IFT80: variants seen among roughly 807,000 people sequenced by gnomAD.
IFT80 encodes intraflagellar transport 80.
Under a neutral mutation model 107.9 loss-of-function variants are expected in IFT80, and 79 were observed. The observed-to-expected ratio is 0.73, with a 90% CI of 0.61 to 0.88. The LOEUF (loss-of-function observed/expected upper bound fraction) is 0.88, where lower values mean the gene tolerates loss of function less well. Among genes scored for constraint, IFT80 ranks in the 40% least tolerant of loss-of-function variants. IFT80 has a pLI of 0.00. For synonymous variants in IFT80, 299 were observed against 300.9 expected, an observed-to-expected ratio of 0.99 and a Z score of 0.07; for missense variants, 797 against 914.2, an observed-to-expected ratio of 0.87 and a Z score of 1.65.
At chr3:160,383,303 T>G (rs1308103851) in intron 2 of IFT80, 1 of 197,144 alleles carries the variant, frequency 5.1e-6, no homozygotes, top group Non-Finnish European at 9.1e-6. Flanking sequence ...TATAAAATTG[T>G]GTATGGTGTG....
At chr3:160,303,233 T>G (rs964864453) in intron 11 of IFT80, among the ~76,000 whole-genome samples, 3 of 152,192 alleles carry the variant, frequency 2.0e-5, no homozygotes, top group Non-Finnish European at 4.4e-5. Flanking sequence ...TTTTATTGGG[T>G]TGTAGCTGTC....
At chr3:160,352,360 T>G (rs1196342674) in intron 8 of IFT80, among the ~76,000 whole-genome samples, 1 of 152,216 alleles carries the variant, frequency 6.6e-6, no homozygotes, top group Non-Finnish European at 1.5e-5. Context: ...CCTGAGATTT[T>G]TAAGAAATGT....
intron 7 of IFT80, among the ~76,000 whole-genome samples, chr3:160,356,529 T>C (rs1559958074): frequency 6.6e-6 from 1 of 152,198 alleles, no homozygotes; most frequent in Non-Finnish European, 1.5e-5. Flanking sequence ...GTTTTGTTTT[T>C]TGAATTTTAG....
chr3:160,311,262 A>C (rs1164551214), intron 9 of IFT80, among the ~76,000 whole-genome samples: 1 of 152,232 alleles, frequency 6.6e-6, no homozygotes, highest in Admixed American at 6.5e-5. Flanking sequence ...TAAGTAAATA[A>C]ATAATAAGAA....
chr3:160,319,875 C>T lies in IFT80; in HGVS notation c.842G>A (p.Gly281Asp), dbSNP rs572058775. 1.2e-6 allele frequency: 2 copies of T among 1,612,626 alleles called. No individual in the cohort carries two copies. Among genetic ancestry groups the T allele is most frequent in the African/African-American group, 1.3e-5 (1 of 74,918 alleles). The change falls in exon 9 of 20, where the codon GGC (glycine) becomes GAC (aspartate). Residue 281 changes from glycine (G) to aspartate (D), a missense_variant. Coordinates refer to ENST00000326448, the MANE Select transcript of IFT80 (RefSeq NM_020800.3). ...TCCACAGGCTCCAGCAATCTGAGTGCCATCGATAGACCATGCAATATTAAA... is the reference window on the plus strand; with the variant it reads ...TCCACAGGCTCCAGCAATCTGAGTGTCATCGATAGACCATGCAATATTAAA... ...SIFNIAWSID[G>D]TQIAGACGNG...
At chr3:160,323,716 A>G (rs1244449294) in intron 8 of IFT80, among the ~76,000 whole-genome samples, 1 of 152,136 alleles carries the variant, frequency 6.6e-6, no homozygotes, top group African/African-American at 2.4e-5. Context: ...CAATTAAAAG[A>G]ACTAGAAAAG....
intron 18 of IFT80, among the ~76,000 whole-genome samples, chr3:160,276,343 TC>T (rs1714263383): frequency 6.6e-6 from 1 of 152,144 alleles, no homozygotes; most frequent in African/African-American, 2.4e-5. Flanking sequence ...AAATTAACCA[TC>T]TGCCATTTTT....
intron 15 of IFT80, among the ~76,000 whole-genome samples, chr3:160,280,345 T>A (rs1409715611): frequency 6.6e-6 from 1 of 152,216 alleles, no homozygotes. Context: ...GTCACAAGGT[T>A]GTGCATCCTG....
chr3:160,346,596 A>T (rs1417631197), intron 8 of IFT80, among the ~76,000 whole-genome samples: 1 of 152,018 alleles, frequency 6.6e-6, no homozygotes, highest in African/African-American at 2.4e-5. Flanking sequence ...CTCTCCAACA[A>T]GGCTTGCATT....
At chr3:160,367,095 G>C (rs1411614617) in intron 5 of IFT80, among the ~76,000 whole-genome samples, 1 of 152,006 alleles carries the variant, frequency 6.6e-6, no homozygotes, top group Non-Finnish European at 1.5e-5. Context: ...CCATGTTGTA[G>C]CAAATTATTG....
chr3:160,259,855 A>C (rs1177123850), intron 19 of IFT80, among the ~76,000 whole-genome samples: 1 of 152,184 alleles, frequency 6.6e-6, no homozygotes, highest in Non-Finnish European at 1.5e-5. Context: ...ACTAACTCTG[A>C]TTTACAGGAA....
chr3:160,285,960 AT>A lies in IFT80; in HGVS notation c.1316-93del, dbSNP rs1300029249. On this transcript the variant is annotated intron_variant, in intron 12 of 19. Transcript: ENST00000326448. The stretch of plus-strand genomic sequence containing the variant: ...ACTATTATAATCCTTATAAGAAATT[AT>A]TTAACTCTCTAGACCACAGAGAGAG... 20 of 886,324 alleles carry A rather than the reference AT, an allele frequency of 2.3e-5. No homozygotes were observed. In the East Asian group the frequency reaches 3.7e-4, roughly 17 times the overall value. The allele number at this position is 886,324 out of a possible 1,614,324, so 54.9% of individuals were successfully genotyped here.
chr3:160,279,393 T>G, intron 15 of IFT80, 29 bp from the exon 16 acceptor site: 1 of 1,595,552 alleles, frequency 6.3e-7, no homozygotes, highest in East Asian at 2.2e-5. Flanking sequence ...AAGTACAATT[T>G]AAAGTTGTAT....
chr3:160,366,337 A>C (rs1019759305), intron 5 of IFT80, among the ~76,000 whole-genome samples, 185 bp from the exon 6 acceptor site: 1 of 152,014 alleles, frequency 6.6e-6, no homozygotes, highest in African/African-American at 2.4e-5. Flanking sequence ...GTTAATATTG[A>C]CCTTTGAAAA....
At chr3:160,291,391 G>A (rs1715538428) in intron 12 of IFT80, among the ~76,000 whole-genome samples, 1 of 152,178 alleles carries the variant, frequency 6.6e-6, no homozygotes, top group African/African-American at 2.4e-5. Context: ...ACACATTACT[G>A]GGAAATGCAA....
At chr3:160,304,264 T>C (rs930113029) in intron 10 of IFT80, among the ~76,000 whole-genome samples, 1 of 152,120 alleles carries the variant, frequency 6.6e-6, no homozygotes, top group Non-Finnish European at 1.5e-5. Context: ...AACTGAGGAA[T>C]TCTAAGTTTG....
intron 8 of IFT80, among the ~76,000 whole-genome samples, chr3:160,344,430 T>C (rs909591800): frequency 1.3e-5 from 2 of 152,052 alleles, no homozygotes; most frequent in African/African-American, 4.8e-5. Context: ...TCTCACCATA[T>C]ACAAAAATCA....
chr3:160,265,700 A>C lies in IFT80; in HGVS notation c.2223+2713T>G, dbSNP rs558459019. On this transcript the variant is annotated intron_variant, in intron 19 of 19. Transcript: ENST00000326448. ...ATAACATTTCAGGGCTCATAAACTA[A>C]GTGTCTATCAAACTTCTCACTTCTT... 1.2e-4 allele frequency among the ~76,000 whole-genome samples: 18 copies of C among 152,306 alleles called. No homozygotes were observed. The South Asian group carries it at 3.5e-3, about 30-fold the overall frequency.
In IFT80 at chr3:160,393,623, G is replaced by A. The variant is rs147452816; in HGVS notation, c.-47+5523C>T. On this transcript the variant is annotated intron_variant, in intron 1 of 19. Transcript: ENST00000326448. ...GAATGGATGTGACAGTGGCACAACT[G>A]TGGATATACTTAATGTCACTGAACT... Among the ~76,000 whole-genome samples the A allele has an allele frequency of 1.4e-3, 211 of 152,222 alleles. 1 individual carries two copies. The highest frequency in any genetic ancestry group is 2.7e-3 in the Admixed American group (42 of 15,286).
Sources: allele counts gnomAD v4.1 joint callset (sites outside exome capture counted in the v4.1 genomes callset), GRCh38; gene constraint gnomAD v4.1.1; transcripts MANE v1.5; gene names NCBI Gene and HGNC (gene_info 2026-07-23, HGNC 2026-07-21).